TMEM44: variants seen among roughly 807,000 people sequenced by gnomAD.
TMEM44 encodes the protein transmembrane protein 44.
TMEM44 carries 43 observed loss-of-function variants against 47.8 expected under a neutral mutation model. The ratio of observed to expected loss-of-function variants is 0.90; its 90% confidence interval spans 0.70 to 1.16. TMEM44 has a LOEUF of 1.16. Among genes scored for constraint, TMEM44 ranks in the 50% most tolerant of loss-of-function variants. TMEM44 has a pLI of 0.00. For synonymous variants in TMEM44, 277 were observed against 238.8 expected (o/e 1.16, Z -1.48); for missense variants, 568 against 555.2 (o/e 1.02, Z -0.23).
In TMEM44 at chr3:194,590,931, C is replaced by T. The variant is rs749974245; in HGVS notation, c.1177-2292G>A. On this transcript the variant is annotated intron_variant, in intron 9 of 9. Coordinates refer to ENST00000347147, the MANE Select transcript of TMEM44 (RefSeq NM_001011655.3). ...AGTACAGGCCGGGCACGGGGACTCACGCCTGTAATCTCAGCACTTTGGGAG... is the reference window on the plus strand; with the variant it reads ...AGTACAGGCCGGGCACGGGGACTCATGCCTGTAATCTCAGCACTTTGGGAG... Among the ~76,000 whole-genome samples, 10 of 152,288 alleles carry T rather than the reference C, an allele frequency of 6.6e-5. No homozygotes were observed. The South Asian group carries it at 8.3e-4, about 13-fold the overall frequency.
intron 9 of TMEM44, among the ~76,000 whole-genome samples, chr3:194,599,908 C>G (rs1232800080): frequency 6.6e-6 from 1 of 151,318 alleles, no homozygotes; most frequent in African/African-American, 2.4e-5. Context: ...TACAGGCATG[C>G]GCCACCATAC....
At chr3:194,621,486 C>A (rs1208762251) in intron 5 of TMEM44, among the ~76,000 whole-genome samples, 1 of 152,174 alleles carries the variant, frequency 6.6e-6, no homozygotes, top group South Asian at 2.1e-4. Context: ...CTGACACCAC[C>A]CTGGAGAGCC....
At chr3:194,623,899 T>C (rs1416537575) in intron 3 of TMEM44, among the ~76,000 whole-genome samples, 3 of 152,178 alleles carry the variant, frequency 2.0e-5, no homozygotes, top group Non-Finnish European at 2.9e-5. Context: ...CACCACTGAC[T>C]GCACACCCCA....
chr3:194,623,178 G>T (rs1020253376), intron 5 of TMEM44, 46 bp downstream of exon 5: 7 of 1,553,676 alleles, frequency 4.5e-6, no homozygotes, highest in Admixed American at 2.0e-5. Context: ...CAGATGCCCT[G>T]AGACTGTCAT....
At chr3:194,602,133 A>G (rs559590953) in intron 9 of TMEM44, among the ~76,000 whole-genome samples, 1 of 152,324 alleles carries the variant, frequency 6.6e-6, no homozygotes, top group Non-Finnish European at 1.5e-5. Context: ...TCCAAGAACC[A>G]CACAACACAG....
In TMEM44 at chr3:194,617,177, G is replaced by A. The variant is rs1336807953; in HGVS notation, c.705C>T (p.His235=). 6.4e-6 allele frequency: 10 copies of A among 1,554,792 alleles called. No homozygotes were observed. Among genetic ancestry groups the A allele is most frequent in the East Asian group, 2.4e-5 (1 of 41,406 alleles). The change falls in exon 6 of 10, where the codon CAC becomes CAT. Residue 235 remains histidine (H), a synonymous_variant. Coordinates refer to ENST00000347147, the MANE Select transcript of TMEM44 (RefSeq NM_001011655.3). The part of the protein sequence containing the change: ...GLLYASAIVA[H]DQHPEYLLRA... ...GCAGCAGGTACTCAGGGTGCTGGTC[G>A]TGGGCCACAATGGCCGAGGCATAGA...
At chr3:194,619,966 C>T (rs1296996857) in intron 5 of TMEM44, among the ~76,000 whole-genome samples, 1 of 152,086 alleles carries the variant, frequency 6.6e-6, no homozygotes, top group Admixed American at 6.6e-5. Flanking sequence ...GGGCACTGTA[C>T]AGTGTCTTAC....
chr3:194,590,448 T>C (rs557806636), intron 9 of TMEM44, among the ~76,000 whole-genome samples: 64 of 152,298 alleles, frequency 4.2e-4, no homozygotes, highest in African/African-American at 1.5e-3. Context: ...CTGGACCCCT[T>C]GAACCAAATT....
rs191260597 is a variant in TMEM44 at position 194,588,360 on chromosome 3, G to A, written c.*169C>T. 58 of 609,060 alleles carry A rather than the reference G, an allele frequency of 9.5e-5. No individual in the cohort carries two copies. Among genetic ancestry groups the A allele is most frequent in the African/African-American group, 8.3e-4 (45 of 54,112 alleles). 37.7% of individuals were successfully genotyped at this position (609,060 alleles called of 1,614,324 possible). On this transcript the variant is annotated 3_prime_UTR_variant, in exon 10 of 10. Transcript: ENST00000347147. ...CCGCAGTACCCAAAGTCGTAGCTCC[G>A]TGATGAGCTATGATGTAGCCCAGCC...
Position 194,628,495 on chromosome 3 carries a change from C to T in TMEM44, c.152G>A (p.Arg51Lys). Residue 51 changes from arginine (R) to lysine (K), a missense_variant, in exon 2 of 10, where the codon AGA becomes AAA. Transcript: ENST00000347147. The part of the protein sequence containing the change: ...IAAHALLLYL[R>K]CAQKPRQDQS... ...GTCCTGTCTGGGTTTCTGTGCACAT[C>T]TCAGATAGAGAAGCCTGGGGTGACA... 2 of 1,613,122 alleles carry T rather than the reference C, an allele frequency of 1.2e-6. No homozygotes were observed. Among genetic ancestry groups the T allele is most frequent in the Non-Finnish European group, 1.7e-6 (2 of 1,179,510 alleles).
At chr3:194,624,320 C>T (rs1298636751) in intron 3 of TMEM44, among the ~76,000 whole-genome samples, 1 of 151,792 alleles carries the variant, frequency 6.6e-6, no homozygotes, top group Non-Finnish European at 1.5e-5. Context: ...AAGCCACTGC[C>T]CAGCTCTCTC....
intron 9 of TMEM44, among the ~76,000 whole-genome samples, chr3:194,601,266 T>C (rs1043493902): frequency 9.2e-5 from 14 of 151,862 alleles, no homozygotes; most frequent in Non-Finnish European, 1.2e-4. Context: ...TGCCCAGTAG[T>C]AGCTGGGATT....
At chr3:194,622,245 C>T (rs1456087404) in intron 5 of TMEM44, among the ~76,000 whole-genome samples, 1 of 152,264 alleles carries the variant, frequency 6.6e-6, no homozygotes. Context: ...CTCAAATTCA[C>T]GCTCCCTTCT....
intron 5 of TMEM44, among the ~76,000 whole-genome samples, chr3:194,620,641 G>A (rs749284159): frequency 1.3e-5 from 2 of 152,162 alleles, no homozygotes; most frequent in African/African-American, 4.8e-5. Context: ...AGAAAATAAA[G>A]CAGAGTGAGG....
At position 194,588,283 on chromosome 3, in the gene TMEM44, G is replaced by T; in HGVS notation, c.*246C>A. On this transcript the variant is annotated 3_prime_UTR_variant, in exon 10 of 10. Coordinates refer to ENST00000347147, the MANE Select transcript of TMEM44 (RefSeq NM_001011655.3). Reference sequence around the variant, plus strand: ...TTTGGATTATCTTTACGAAGCAAAAGCTTCTGTGAACTGTGATCTTCAGAA... The same window carrying T: ...TTTGGATTATCTTTACGAAGCAAAATCTTCTGTGAACTGTGATCTTCAGAA... The T allele has an allele frequency of 2.1e-6, 1 of 471,926 alleles. No individual in the cohort carries two copies. The highest frequency in any genetic ancestry group is 3.4e-5 in the South Asian group (1 of 29,534). The allele number at this position is 471,926 out of a possible 1,614,324, so 29.2% of individuals were successfully genotyped here.
At chr3:194,591,258 T>G (rs1035044046) in intron 9 of TMEM44, among the ~76,000 whole-genome samples, 2 of 151,838 alleles carry the variant, frequency 1.3e-5, no homozygotes, top group African/African-American at 4.8e-5. Context: ...TCTGGGAGGC[T>G]GAGGCGGGTG....
chr3:194,595,128 G>C (rs1015221200), intron 9 of TMEM44, among the ~76,000 whole-genome samples: 1 of 152,086 alleles, frequency 6.6e-6, no homozygotes, highest in African/African-American at 2.4e-5. Context: ...CCTCTACAAA[G>C]ATTAAATATG....
intron 8 of TMEM44, among the ~76,000 whole-genome samples, chr3:194,609,637 G>A (rs543792328): frequency 3.7e-4 from 57 of 152,140 alleles, no homozygotes; most frequent in African/African-American, 1.3e-3. Flanking sequence ...AGGACCCCTC[G>A]TGTAGGCCAG....
At chr3:194,628,545 T>C (rs1187141818) in intron 1 of TMEM44, 36 bp from the exon 2 acceptor site, 1 of 1,572,434 alleles carries the variant, frequency 6.4e-7, no homozygotes, top group Non-Finnish European at 8.6e-7. Flanking sequence ...ACACAGCAAC[T>C]GTGAGTTTGG....
Sources: gnomAD v4.1 joint callset for allele counts (sites outside exome capture counted in the v4.1 genomes callset) on GRCh38, gnomAD v4.1.1 for gene constraint, MANE v1.5 for transcripts, NCBI Gene and HGNC (gene_info 2026-07-23, HGNC 2026-07-21) for gene names.